Variants in SF3B3 observed in about 807,000 individuals in gnomAD.
SF3B3 encodes the protein splicing factor 3b subunit 3, also known as SAP 130.
A neutral mutation model predicts 139.2 loss-of-function variants in SF3B3; 33 were observed. The observed-to-expected ratio is 0.24, with a 90% CI of 0.18 to 0.32. The LOEUF (loss-of-function observed/expected upper bound fraction) is 0.32. SF3B3 is among the 10% of genes least tolerant of loss of function. The probability of loss-of-function intolerance (pLI) is 1.00; values close to 1 mark genes in which losing one functional copy is unlikely to be tolerated. For missense variants in SF3B3, 818 were observed against 1,509.4 expected, an observed-to-expected ratio of 0.54 and a Z score of 7.59; for synonymous variants, 596 against 563.6, an observed-to-expected ratio of 1.06 and a Z score of -0.81.
At chr16:70,565,894 A>C (rs1198231894) in intron 20 of SF3B3, among the ~76,000 whole-genome samples, 1 of 151,164 alleles carries the variant, frequency 6.6e-6, no homozygotes. Context: ...AGGCAGGCAG[A>C]TCACCTGAGG....
chr16:70,557,073 T>C (rs2050385595), intron 15 of SF3B3, 44 bp downstream of exon 15: 1 of 1,546,086 alleles, frequency 6.5e-7, no homozygotes, highest in East Asian at 2.3e-5. Flanking sequence ...AGGCCTTCTG[T>C]ACGTTTCACA....
intron 1 of SF3B3, 33 bp downstream of exon 1, chr16:70,523,961 C>A: frequency 2.4e-6 from 1 of 417,716 alleles, no homozygotes; most frequent in Non-Finnish European, 4.2e-6. Context: ...TCCCCGGGCC[C>A]GGGGAGGCGG....
chr16:70,549,261 A>G (rs937617125), intron 11 of SF3B3, among the ~76,000 whole-genome samples: 3 of 152,234 alleles, frequency 2.0e-5, no homozygotes, highest in African/African-American at 7.2e-5. Flanking sequence ...TGCCTGTATG[A>G]AACAGATTGA....
At chr16:70,544,416 C>T (rs1276116546) in intron 9 of SF3B3, 22 bp from the exon 10 acceptor site, 4 of 1,490,464 alleles carry the variant, frequency 2.7e-6, no homozygotes, top group Admixed American at 1.8e-5. Flanking sequence ...ACATTTTTTC[C>T]TCTAACTTTT....
intron 8 of SF3B3, among the ~76,000 whole-genome samples, chr16:70,540,309 C>T (rs1232446394): frequency 6.6e-6 from 1 of 151,850 alleles, no homozygotes; most frequent in Non-Finnish European, 1.5e-5. Context: ...GATCCATCCA[C>T]CTTGGCCTTC....
In SF3B3 at chr16:70,572,009, C is replaced by A; in HGVS notation, c.*196C>A. ...CCCCTCAAATTGGCACTGAGATTTG[C>A]TACACTTCTCCCCACCTGGTACATG... On this transcript the variant is annotated 3_prime_UTR_variant, in exon 26 of 26. Coordinates refer to ENST00000302516, the MANE Select transcript of SF3B3 (RefSeq NM_012426.5). The A allele has an allele frequency of 2.8e-6, 2 of 705,930 alleles. No homozygotes were observed. Among genetic ancestry groups the A allele is most frequent in the Non-Finnish European group, 4.9e-6 (2 of 406,840 alleles). The allele number at this position is 705,930 out of a possible 1,614,324, so 43.7% of individuals were successfully genotyped here. A position where few individuals can be genotyped will look rare whatever the true frequency, so the allele number is the denominator to read the frequency against.
At chr16:70,546,843 C>T (rs774078085) in intron 10 of SF3B3, among the ~76,000 whole-genome samples, 12 of 152,010 alleles carry the variant, frequency 7.9e-5, no homozygotes, top group African/African-American at 2.4e-4. Context: ...TTGGCTAACA[C>T]GGTGAAACCC....
At chr16:70,561,241 G>T (rs1426790931) in intron 16 of SF3B3, 1 of 159,664 alleles carries the variant, frequency 6.3e-6, no homozygotes. Context: ...GGTTGGCCTC[G>T]AACTCCTGAC....
chr16:70,561,836 T>C (rs1213455083), intron 17 of SF3B3, 52 bp downstream of exon 17: 7 of 1,514,508 alleles, frequency 4.6e-6, no homozygotes, highest in Non-Finnish European at 6.4e-6. Flanking sequence ...TGCCAAGGGC[T>C]CAGACTGGTT....
chr16:70,548,042 T>A (rs2050285483), intron 10 of SF3B3, among the ~76,000 whole-genome samples: 1 of 152,208 alleles, frequency 6.6e-6, no homozygotes, highest in South Asian at 2.1e-4. Flanking sequence ...GGGATGCTAA[T>A]TTAGATGGCC....
In SF3B3 at chr16:70,541,816, T is replaced by C; in HGVS notation, c.1215T>C (p.Ser405=). ...LVLVDELDSL[S]PILFCQIADL... Reference sequence around the variant, plus strand: ...TGGTTGATGAGTTGGACAGCCTCTCTCCCATTCTGTTTTGCCAGGTTGGTG... The same window carrying C: ...TGGTTGATGAGTTGGACAGCCTCTCCCCCATTCTGTTTTGCCAGGTTGGTG... The change falls in exon 9 of 26, where the codon TCT becomes TCC. Residue 405 remains serine, a synonymous_variant. Transcript: ENST00000302516. The C allele has an allele frequency of 6.2e-7, 1 of 1,613,876 alleles. No individual in the cohort carries two copies. Among genetic ancestry groups the C allele is most frequent in the Non-Finnish European group, 8.5e-7 (1 of 1,179,820 alleles).
At chr16:70,557,973 T>A (rs185996845) in intron 15 of SF3B3, among the ~76,000 whole-genome samples, 1 of 152,222 alleles carries the variant, frequency 6.6e-6, no homozygotes, top group Non-Finnish European at 1.5e-5. Context: ...TTATAGTTGG[T>A]TGTGCTCAGG....
intron 23 of SF3B3, 137 bp from the exon 24 acceptor site, chr16:70,569,869 C>G: frequency 1.1e-6 from 1 of 922,258 alleles, no homozygotes; most frequent in Non-Finnish European, 1.6e-6. Context: ...TCAAGCAATC[C>G]TCCCACGTTG....
intron 21 of SF3B3, 64 bp downstream of exon 21, chr16:70,567,600 GT>G (rs2050489160): frequency 6.5e-7 from 1 of 1,541,214 alleles, no homozygotes; most frequent in Non-Finnish European, 8.8e-7. Context: ...CATTGGTGGG[GT>G]GGTGGGCATT....
At chr16:70,535,590 G>A (rs2050158732) in intron 6 of SF3B3, among the ~76,000 whole-genome samples, 170 bp downstream of exon 6, 1 of 152,106 alleles carries the variant, frequency 6.6e-6, no homozygotes, top group Admixed American at 6.6e-5. Flanking sequence ...AAATATTTTA[G>A]TAAAAGCCAA....
At chr16:70,553,605 C>G (rs770178519) in intron 11 of SF3B3, among the ~76,000 whole-genome samples, 7 of 152,126 alleles carry the variant, frequency 4.6e-5, no homozygotes, top group Non-Finnish European at 1.0e-4. Flanking sequence ...TTACGCCAAA[C>G]GTACTGGATG....
chr16:70,567,550 C>G lies in SF3B3; in HGVS notation c.2952+14C>G. The G allele has an allele frequency of 1.2e-6, 2 of 1,610,748 alleles. No homozygotes were observed. Among genetic ancestry groups the G allele is most frequent in the South Asian group, 2.2e-5 (2 of 90,334 alleles). On this transcript the variant is annotated intron_variant, in intron 21 of 25. Transcript: ENST00000302516. ...TGTGAGAATAAGGTAAGTGTGCTGG[C>G]ATTGGTGCTGAGATCTAGCTCATGT...
chr16:70,574,215 G>A lies in SF3B3; in HGVS notation c.*2402G>A, dbSNP rs2050556083. ...TTTAAAAAAAATTTTATTAGAGACAGTCTCTCTCTCTTGCCTAGCTGGGAG... is the reference window on the plus strand; with the variant it reads ...TTTAAAAAAAATTTTATTAGAGACAATCTCTCTCTCTTGCCTAGCTGGGAG... On this transcript the variant is annotated 3_prime_UTR_variant, in exon 26 of 26. Transcript: ENST00000302516. 6.6e-6 allele frequency: 1 copy of A among 152,048 alleles called. No homozygotes were observed. Among genetic ancestry groups the A allele is most frequent in the South Asian group, 2.1e-4 (1 of 4,812 alleles). 9.4% of individuals were successfully genotyped at this position (152,048 alleles called of 1,614,324 possible). A position where few individuals can be genotyped will look rare whatever the true frequency, so the allele number is the denominator to read the frequency against.
chr16:70,569,824 A>T, intron 23 of SF3B3, 182 bp from the exon 24 acceptor site: 1 of 619,362 alleles, frequency 1.6e-6, no homozygotes. Context: ...ACGAGACCTC[A>T]CTGTGTTGCC....
Sources: gnomAD v4.1 joint callset for allele counts (sites outside exome capture counted in the v4.1 genomes callset) on GRCh38, gnomAD v4.1.1 for gene constraint, MANE v1.5 for transcripts, NCBI Gene and HGNC (gene_info 2026-07-23, HGNC 2026-07-21) for gene names.